ARHGAP26: variants seen among roughly 807,000 people sequenced by gnomAD.
ARHGAP26 encodes Rho GTPase activating protein 26.
A neutral mutation model predicts 104.8 loss-of-function variants in ARHGAP26; 38 were observed. The ratio of observed to expected loss-of-function variants is 0.36; its 90% CI spans 0.28 to 0.48. The LOEUF (loss-of-function observed/expected upper bound fraction) is 0.48. Among genes scored for constraint, ARHGAP26 ranks in the 20% least tolerant of loss-of-function variants. The pLI is 0.99. For missense variants in ARHGAP26, 704 were observed against 947.9 expected (o/e 0.74, Z 3.38); for synonymous variants, 341 against 340.0 (o/e 1.00, Z -0.03).
intron 17 of ARHGAP26, among the ~76,000 whole-genome samples, chr5:143,084,498 A>T (rs1598937575): frequency 6.6e-6 from 1 of 152,184 alleles, no homozygotes. Flanking sequence ...TTATGGCCTG[A>T]GTTTCCACAG....
chr5:142,831,958 G>A (rs1278376186), intron 1 of ARHGAP26, among the ~76,000 whole-genome samples: 3 of 151,810 alleles, frequency 2.0e-5, no homozygotes, highest in East Asian at 1.9e-4. Flanking sequence ...ATTTACTGCC[G>A]CCCCATTACT....
intron 1 of ARHGAP26, among the ~76,000 whole-genome samples, chr5:142,815,201 A>T (rs1764863746): frequency 6.6e-6 from 1 of 151,916 alleles, no homozygotes; most frequent in Non-Finnish European, 1.5e-5. Flanking sequence ...TGGTTTCACC[A>T]TGTTGGCCAG....
At chr5:143,208,784 G>T (rs1244534183) in intron 21 of ARHGAP26, among the ~76,000 whole-genome samples, 1 of 152,200 alleles carries the variant, frequency 6.6e-6, no homozygotes, top group Non-Finnish European at 1.5e-5. Flanking sequence ...ACCTGGCTTT[G>T]TCCTGGATGA....
intron 12 of ARHGAP26, among the ~76,000 whole-genome samples, chr5:143,016,005 A>G (rs1045685081): frequency 6.6e-5 from 10 of 152,234 alleles, no homozygotes; most frequent in Non-Finnish European, 1.2e-4. Flanking sequence ...TTGTACAACA[A>G]ATAAATTTGT....
intron 19 of ARHGAP26, among the ~76,000 whole-genome samples, chr5:143,138,858 C>T (rs1209019693): frequency 2.0e-5 from 3 of 152,122 alleles, no homozygotes; most frequent in African/African-American, 7.2e-5. Flanking sequence ...ATAAAATTTA[C>T]ATTAAATAGT....
chr5:142,861,944 G>A (rs922777389), intron 1 of ARHGAP26, among the ~76,000 whole-genome samples: 7 of 152,140 alleles, frequency 4.6e-5, no homozygotes, highest in East Asian at 1.9e-4. Flanking sequence ...TCAAATTCAC[G>A]TTAGCTGTTG....
chr5:143,084,987 G>C (rs1357548556), intron 17 of ARHGAP26, among the ~76,000 whole-genome samples: 3 of 148,098 alleles, frequency 2.0e-5, no homozygotes, highest in Non-Finnish European at 4.5e-5. Flanking sequence ...GGAGGTTACA[G>C]TGAGCCGAGA....
rs149298935 is a variant in ARHGAP26, at chr5:143,183,667, G to A, written c.1989-23531G>A. On this transcript the variant is annotated intron_variant, in intron 20 of 22. Coordinates refer to ENST00000645722, the MANE Select transcript of ARHGAP26 (RefSeq NM_001135608.3). ...TGCATTCACCAGTGGAAATTCCCCC[G>A]GGGCCTCCTCGGACGCCACCCCTAC... Among the ~76,000 whole-genome samples, 778 of 152,242 alleles carry A rather than the reference G, an allele frequency of 5.1e-3. 9 individuals are homozygous for A. Among genetic ancestry groups the A allele is most frequent in the African/African-American group, 0.018 (741 of 41,510 alleles).
At chr5:143,054,623 G>T in intron 15 of ARHGAP26, 97 bp downstream of exon 15, 1 of 843,854 alleles carries the variant, frequency 1.2e-6, no homozygotes, top group Non-Finnish European at 1.9e-6. Flanking sequence ...GCTGTCGGGT[G>T]GGTGTTTGAG....
intron 17 of ARHGAP26, among the ~76,000 whole-genome samples, chr5:143,095,112 A>G (rs1416355048): frequency 6.6e-6 from 1 of 151,288 alleles, no homozygotes; most frequent in East Asian, 1.9e-4. Flanking sequence ...ATATTCTTAC[A>G]TATATACATT....
intron 20 of ARHGAP26, chr5:143,168,747 G>C (rs1444097106): frequency 6.6e-6 from 1 of 151,954 alleles, no homozygotes; most frequent in African/African-American, 2.4e-5. Flanking sequence ...GCTCTGAGAG[G>C]GTAAAGCAAC....
chr5:143,115,161 C>T (rs777624629), intron 17 of ARHGAP26, among the ~76,000 whole-genome samples: 5 of 151,944 alleles, frequency 3.3e-5, no homozygotes, highest in South Asian at 2.1e-4. Flanking sequence ...GATGAAACCC[C>T]GTCTCTGCTA....
At chr5:143,215,519 T>A (rs1810206672) in intron 22 of ARHGAP26, among the ~76,000 whole-genome samples, 1 of 152,180 alleles carries the variant, frequency 6.6e-6, no homozygotes. Context: ...AATTCAATGG[T>A]TTTTAGTATA....
At chr5:142,910,542 C>T (rs1761700580) in intron 9 of ARHGAP26, among the ~76,000 whole-genome samples, 1 of 152,068 alleles carries the variant, frequency 6.6e-6, no homozygotes, top group African/African-American at 2.4e-5. Flanking sequence ...AGTTCAAGAC[C>T]AGCCTGGGCA....
At chr5:142,830,020 C>A (rs911603351) in intron 1 of ARHGAP26, among the ~76,000 whole-genome samples, 6 of 152,030 alleles carry the variant, frequency 3.9e-5, no homozygotes, top group African/African-American at 7.2e-5. Context: ...TAGGAAGGGG[C>A]AATTGGTGTG....
chr5:142,848,188 A>G (rs1772396681), intron 1 of ARHGAP26, among the ~76,000 whole-genome samples: 2 of 152,206 alleles, frequency 1.3e-5, no homozygotes, highest in Admixed American at 1.3e-4. Flanking sequence ...GTATTGCAAA[A>G]GGCTAGCTCT....
Position 142,890,148 on chromosome 5 carries a change from AAAAATATATATATATAT to A in ARHGAP26, c.487-4088_487-4072del, listed in dbSNP as rs1240922777. On this transcript the variant is annotated intron_variant, in intron 5 of 22. Transcript: ENST00000645722. ...CGAAACTCCGTCTTAAAAAAAAAAA[AAAAATATATATATATAT>A]ATATATATATATATATATATATATA... is the stretch of plus-strand genomic sequence containing the variant. 7.0e-3 allele frequency among the ~76,000 whole-genome samples: 580 copies of A among 83,272 alleles called. 13 individuals carry two copies. Among genetic ancestry groups the A allele is most frequent in the South Asian group, 0.018 (43 of 2,382 alleles). 54.6% of individuals were successfully genotyped at this position (83,272 alleles called of 152,430 possible).
At chr5:142,955,772 G>A (rs1769139903) in intron 11 of ARHGAP26, among the ~76,000 whole-genome samples, 2 of 152,184 alleles carry the variant, frequency 1.3e-5, no homozygotes, top group Non-Finnish European at 1.5e-5. Flanking sequence ...ACAAATGATC[G>A]GTTCCAGATG....
chr5:142,815,706 T>C (rs1030644215), intron 1 of ARHGAP26, among the ~76,000 whole-genome samples: 1 of 152,208 alleles, frequency 6.6e-6, no homozygotes, highest in Non-Finnish European at 1.5e-5. Flanking sequence ...GGAGCACTTT[T>C]GCCACTTCCC....
Sources: gnomAD v4.1 joint callset for allele counts (sites outside exome capture counted in the v4.1 genomes callset) on GRCh38, gnomAD v4.1.1 for gene constraint, MANE v1.5 for transcripts, NCBI Gene and HGNC (gene_info 2026-07-23, HGNC 2026-07-21) for gene names.